MRPL42: variants seen among roughly 807,000 people sequenced by gnomAD.
MRPL42 encodes the protein mitochondrial ribosomal protein L42.
Under a neutral mutation model 17.9 loss-of-function variants are expected in MRPL42, and 17 were observed. The ratio of observed to expected loss-of-function variants is 0.95; its 90% CI spans 0.65 to 1.42. MRPL42 has a LOEUF of 1.42. MRPL42 is among the 40% of genes most tolerant of loss of function. MRPL42 has a pLI of 0.00. For synonymous variants in MRPL42, 59 were observed against 54.4 expected, an observed-to-expected ratio of 1.08 and a Z score of -0.37; for missense variants, 177 against 175.2, an observed-to-expected ratio of 1.01 and a Z score of -0.06.
intron 5 of MRPL42, among the ~76,000 whole-genome samples, chr12:93,494,808 G>A (rs1341464769): frequency 2.6e-5 from 4 of 152,112 alleles, no homozygotes; most frequent in Non-Finnish European, 5.9e-5. Flanking sequence ...TAGAGACAAG[G>A]GAGATGAAAG....
At position 93,510,218 on chromosome 12, in the gene MRPL42, T is replaced by A. The variant is rs191574050; in HGVS notation, c.*8997T>A. 1.8e-4 allele frequency: 28 copies of A among 152,320 alleles called. No individual in the cohort carries two copies. The highest frequency in any genetic ancestry group is 6.3e-4 in the African/African-American group (26 of 41,566). The allele number at this position is 152,320 out of a possible 1,614,324, so 9.4% of individuals were successfully genotyped here. A position where few individuals can be genotyped will look rare whatever the true frequency, so the allele number is the denominator to read the frequency against. On this transcript the variant is annotated 3_prime_UTR_variant, in exon 6 of 6. Coordinates refer to ENST00000549982, the MANE Select transcript of MRPL42 (RefSeq NM_014050.4). ...AGTATATATAGCCTTTTCACATTGGTTTCTTTCACTGGATAATATGCATTT... is the reference window on the plus strand; with the variant it reads ...AGTATATATAGCCTTTTCACATTGGATTCTTTCACTGGATAATATGCATTT...
intron 2 of MRPL42, chr12:93,470,634 G>A: frequency 9.8e-7 from 1 of 1,019,872 alleles, no homozygotes; most frequent in Non-Finnish European, 1.3e-6. Context: ...TCTGTTTTGA[G>A]TCCCCAGTGT....
chr12:93,487,384 C>A, intron 4 of MRPL42, 113 bp from the exon 5 acceptor site: 6 of 922,240 alleles, frequency 6.5e-6, no homozygotes, highest in East Asian at 2.7e-5. Context: ...ATTTGCCCAC[C>A]CTAAAGTACT....
intron 5 of MRPL42, among the ~76,000 whole-genome samples, chr12:93,492,864 G>A (rs1291660873): frequency 2.7e-5 from 4 of 147,822 alleles, no homozygotes; most frequent in African/African-American, 5.0e-5. Flanking sequence ...TTAATTTTAC[G>A]ATGACCTTAT....
At position 93,511,667 on chromosome 12, in the gene MRPL42, T is replaced by C. The variant is rs1006113911; in HGVS notation, c.*10446T>C. ...CTAATATGGCAATTAGTTTATATGC[T>C]ATTTGAATATGATAGTAATATGAAG... On this transcript the variant is annotated 3_prime_UTR_variant, in exon 6 of 6. Coordinates refer to ENST00000549982, the MANE Select transcript of MRPL42 (RefSeq NM_014050.4). The C allele has an allele frequency of 4.6e-5, 7 of 152,256 alleles. No individual in the cohort carries two copies. The highest frequency in any genetic ancestry group is 1.0e-4 in the Non-Finnish European group (7 of 68,036). 9.4% of individuals were successfully genotyped at this position (152,256 alleles called of 1,614,324 possible). A position where few individuals can be genotyped will look rare whatever the true frequency, so the allele number is the denominator to read the frequency against.
At position 93,504,342 on chromosome 12, in the gene MRPL42, T is replaced by A. The variant is rs1953642132; in HGVS notation, c.*3121T>A. The A allele has an allele frequency of 6.6e-6, 1 of 152,524 alleles. No homozygotes were observed. The highest frequency in any genetic ancestry group is 1.5e-5 in the Non-Finnish European group (1 of 68,146). 9.4% of individuals were successfully genotyped at this position (152,524 alleles called of 1,614,324 possible). ...TTTTAGTAGAGACAGGGTTTCACCA[T>A]GTTGGTCAGGCTGGTCTCGAACTCC... On this transcript the variant is annotated 3_prime_UTR_variant, in exon 6 of 6. Transcript: ENST00000549982.
At chr12:93,485,025 T>A (rs1592776653) in intron 4 of MRPL42, among the ~76,000 whole-genome samples, 1 of 124,908 alleles carries the variant, frequency 8.0e-6, no homozygotes, top group South Asian at 2.7e-4. Context: ...TATATATATA[T>A]ATAAACAGAG....
At chr12:93,485,403 A>G (rs1421619451) in intron 4 of MRPL42, among the ~76,000 whole-genome samples, 1 of 151,434 alleles carries the variant, frequency 6.6e-6, no homozygotes, top group Admixed American at 6.6e-5. Flanking sequence ...CAGTCTCCCA[A>G]AGTGCTAGGA....
chr12:93,481,229 A>G (rs1880444491), intron 4 of MRPL42, among the ~76,000 whole-genome samples: 1 of 152,114 alleles, frequency 6.6e-6, no homozygotes, highest in Non-Finnish European at 1.5e-5. Flanking sequence ...ATCTCTTACA[A>G]TCTTAGCCTA....
intron 5 of MRPL42, among the ~76,000 whole-genome samples, chr12:93,492,175 G>T (rs1953428432): frequency 6.6e-6 from 1 of 152,166 alleles, no homozygotes; most frequent in African/African-American, 2.4e-5. Flanking sequence ...TCTGTTTTTA[G>T]TTCTTTGAGA....
At chr12:93,494,395 A>G (rs1374005972) in intron 5 of MRPL42, among the ~76,000 whole-genome samples, 1 of 152,192 alleles carries the variant, frequency 6.6e-6, no homozygotes, top group Non-Finnish European at 1.5e-5. Context: ...ATCTAGATAC[A>G]TTTTGGAGAT....
intron 5 of MRPL42, chr12:93,487,971 CTTTT>C (rs35810496): frequency 5.9e-4 from 106 of 179,296 alleles, no homozygotes; most frequent in Non-Finnish European, 8.3e-4. Context: ...TAATTTTGTT[CTTTT>C]TTTTTTTTTT....
intron 5 of MRPL42, among the ~76,000 whole-genome samples, chr12:93,495,237 C>T (rs968408838): frequency 4.6e-5 from 7 of 152,086 alleles, no homozygotes; most frequent in Admixed American, 6.6e-5. Context: ...AAAAGTCCTA[C>T]AATAATAATA....
At chr12:93,471,767 T>C (rs901836186) in intron 2 of MRPL42, among the ~76,000 whole-genome samples, 13 of 152,196 alleles carry the variant, frequency 8.5e-5, no homozygotes, top group African/African-American at 3.1e-4. Flanking sequence ...AGACTTTGGA[T>C]ATAAACCAAA....
At chr12:93,483,340 C>T (rs1352341223) in intron 4 of MRPL42, among the ~76,000 whole-genome samples, 1 of 147,008 alleles carries the variant, frequency 6.8e-6, no homozygotes, top group Admixed American at 6.7e-5. Context: ...TAGGCAATTT[C>T]ATTGTTACGT....
intron 2 of MRPL42, 135 bp downstream of exon 2, chr12:93,469,490 A>C: frequency 1.6e-6 from 1 of 635,352 alleles, no homozygotes; most frequent in Non-Finnish European, 2.7e-6. Context: ...GAAAACCTAA[A>C]TGTCAGTCAG....
chr12:93,490,732 C>T (rs1270333794), intron 5 of MRPL42, among the ~76,000 whole-genome samples: 1 of 152,102 alleles, frequency 6.6e-6, no homozygotes, highest in Non-Finnish European at 1.5e-5. Context: ...TTTTAAACCT[C>T]ATTTAATATA....
At position 93,501,168 on chromosome 12, in the gene MRPL42, T is replaced by TGAA; in HGVS notation, c.384-8_384-7insGAA. On this transcript the variant is annotated splice_polypyrimidine_tract_variant and splice_region_variant and intron_variant, in intron 5 of 5. Transcript: ENST00000549982. ...TCATCTTATTCCAAGTATTTTCTTCTTTTCAAGGTATCACAGATGTCGTAA... is the reference window on the plus strand; with the variant it reads ...TCATCTTATTCCAAGTATTTTCTTCTGAATTTCAAGGTATCACAGATGTCGTAA... 1 of 1,586,644 alleles carries TGAA rather than the reference T, an allele frequency of 6.3e-7. No homozygotes were observed. Among genetic ancestry groups the TGAA allele is most frequent in the Non-Finnish European group, 8.6e-7 (1 of 1,167,684 alleles).
At chr12:93,487,353 G>C (rs942590767) in intron 4 of MRPL42, 144 bp from the exon 5 acceptor site, 1 of 664,214 alleles carries the variant, frequency 1.5e-6, no homozygotes, top group African/African-American at 1.9e-5. Context: ...TGCACTAAGT[G>C]AAACTTTGTT....
Sources: allele counts gnomAD v4.1 joint callset (sites outside exome capture counted in the v4.1 genomes callset), GRCh38; gene constraint gnomAD v4.1.1; transcripts MANE v1.5; gene names NCBI Gene and HGNC (gene_info 2026-07-23, HGNC 2026-07-21).